Variants in SMARCA1 observed in about 807,000 individuals in gnomAD.
SMARCA1 encodes the protein SWI/SNF-related matrix-associated actin-dependent regulator of chromatin subfamily A member 1.
SMARCA1 carries 17 observed loss-of-function variants against 93.6 expected under a neutral mutation model. The observed-to-expected ratio is 0.18, with a 90% CI of 0.12 to 0.27. The LOEUF is 0.27. SMARCA1 is among the 10% of genes least tolerant of loss of function. SMARCA1 has a pLI of 1.00. For missense variants in SMARCA1, 630 were observed against 819.0 expected, an observed-to-expected ratio of 0.77 and a Z score of 2.82; for synonymous variants, 271 against 271.4, an observed-to-expected ratio of 1.00 and a Z score of 0.01.
intron 23 of SMARCA1, among the ~76,000 whole-genome samples, chrX:129,450,324 A>G (rs1255748159): frequency 2.7e-5 from 3 of 111,887 alleles, no homozygotes; most frequent in African/African-American, 9.7e-5. Flanking sequence ...AGCCAGGAGG[A>G]GAAGCCACAC....
At chrX:129,510,173 C>G (rs1233598548) in intron 6 of SMARCA1, among the ~76,000 whole-genome samples, 4 of 112,050 alleles carry the variant, frequency 3.6e-5, no homozygotes, top group African/African-American at 6.5e-5. Context: ...GAATTGCAAT[C>G]CAGTATATAC....
At chrX:129,471,915 A>C (rs1933141847) in intron 19 of SMARCA1, among the ~76,000 whole-genome samples, 1 of 112,486 alleles carries the variant, frequency 8.9e-6, no homozygotes, top group Non-Finnish European at 1.9e-5. Context: ...TGATAGGACC[A>C]GTGGTCAAGG....
At chrX:129,517,060 A>G (rs919691283) in intron 2 of SMARCA1, among the ~76,000 whole-genome samples, 9 of 111,379 alleles carry the variant, frequency 8.1e-5, no homozygotes, top group Non-Finnish European at 1.5e-4. Context: ...TAATGTAATA[A>G]ACACTCCTCT....
At chrX:129,449,307 A>G (rs1021043053) in intron 23 of SMARCA1, among the ~76,000 whole-genome samples, 4 of 112,052 alleles carry the variant, frequency 3.6e-5, no homozygotes, top group Non-Finnish European at 7.5e-5. Context: ...AGAGCCTTTC[A>G]GTTCCCTATG....
At chrX:129,520,209 T>A (rs73225565) in intron 1 of SMARCA1, among the ~76,000 whole-genome samples, 1,586 of 107,955 alleles carry the variant, frequency 0.015, 14 homozygotes, top group Non-Finnish European at 0.025. Flanking sequence ...CAAGAAAAGA[T>A]GAAAAGTGAC....
intron 11 of SMARCA1, 144 bp from the exon 12 acceptor site, chrX:129,497,015 AC>A: frequency 2.2e-6 from 1 of 449,224 alleles, no homozygotes; most frequent in East Asian, 3.7e-5. Flanking sequence ...ACACACACAC[AC>A]ACACACCCCC....
At chrX:129,479,683 T>G (rs1417954301) in intron 19 of SMARCA1, among the ~76,000 whole-genome samples, 2 of 84,355 alleles carry the variant, frequency 2.4e-5, no homozygotes, top group African/African-American at 9.2e-5. Context: ...TTATTTTATT[T>G]TATTTTATTT....
chrX:129,458,606 A>T (rs971701450), intron 23 of SMARCA1, among the ~76,000 whole-genome samples: 2 of 112,378 alleles, frequency 1.8e-5, no homozygotes, highest in Non-Finnish European at 3.8e-5. Context: ...GCTTCAATTC[A>T]AAAGGCAGAG....
At chrX:129,519,188 T>C (rs1935306053) in intron 1 of SMARCA1, among the ~76,000 whole-genome samples, 1 of 111,747 alleles carries the variant, frequency 8.9e-6, no homozygotes, top group Non-Finnish European at 1.9e-5. Context: ...TAACTTAATA[T>C]AGAGATTATC....
chrX:129,501,700 G>A (rs1053608431), intron 9 of SMARCA1, among the ~76,000 whole-genome samples: 2 of 102,028 alleles, frequency 2.0e-5, no homozygotes, highest in Non-Finnish European at 4.0e-5. Context: ...TGCAACCTCC[G>A]TCTCCCAGGT....
At chrX:129,504,563 A>AAAAAAAC (rs1934713796) in intron 9 of SMARCA1, among the ~76,000 whole-genome samples, 171 bp downstream of exon 9, 1 of 96,038 alleles carries the variant, frequency 1.0e-5, no homozygotes, top group African/African-American at 4.4e-5. Flanking sequence ...AAAAAAAAAA[A>AAAAAAAC]AAAAAAAAAA....
At chrX:129,479,682 T>G (rs963185388) in intron 19 of SMARCA1, among the ~76,000 whole-genome samples, 2 of 84,138 alleles carry the variant, frequency 2.4e-5, no homozygotes, top group Admixed American at 2.8e-4. Flanking sequence ...TTTATTTTAT[T>G]TTATTTTATT....
intron 16 of SMARCA1, among the ~76,000 whole-genome samples, chrX:129,488,610 T>TAA (rs35620990): frequency 4.8e-4 from 31 of 64,912 alleles, no homozygotes; most frequent in African/African-American, 1.3e-3. Context: ...CCTGTCTCTT[T>TAA]AAAAAAAAAA....
rs1349875393 is a variant in SMARCA1 at position 129,451,761 on chromosome X, TG to T, written c.3031-3319del. ...CTCTGTCACCCAGGCTGGAGTGCAG[TG>T]GCACGATCTCGGCTCACTGCAAGCT... On this transcript the variant is annotated intron_variant, in intron 23 of 24. Coordinates refer to ENST00000371121, the MANE Select transcript of SMARCA1 (RefSeq NM_001282874.2). 3.9e-5 allele frequency among the ~76,000 whole-genome samples: 4 copies of T among 102,883 alleles called. No individual in the cohort carries two copies. In the East Asian group the frequency reaches 1.2e-3, roughly 32 times the overall value. 89.3% of individuals were successfully genotyped at this position (102,883 alleles called of 115,157 possible).
chrX:129,480,868 C>G (rs1295954980), intron 18 of SMARCA1, 54 bp from the exon 19 acceptor site: 15 of 746,365 alleles, frequency 2.0e-5, no homozygotes, highest in Non-Finnish European at 2.7e-5. Context: ...ATGAAGTAAA[C>G]TTACTTATCT....
chrX:129,518,407 G>A lies in SMARCA1; in HGVS notation c.215C>T (p.Ala72Val), dbSNP rs777730590. The A allele has an allele frequency of 5.9e-5, 70 of 1,191,544 alleles. No homozygotes were observed. Among genetic ancestry groups the A allele is most frequent in the Non-Finnish European group, 7.6e-5 (67 of 884,324 alleles). Reference protein sequence around the residue: ...SSFQLKLAAKAPKSEKEMDPE... With the variant: ...SSFQLKLAAKVPKSEKEMDPE... ...GTCCATTTCCTTTTCAGATTTAGGC[G>A]CTTTAGCAGCAAGTTTGAGTTGAAA... Residue 72 changes from alanine (A) to valine (V), a missense_variant, in exon 2 of 25, where the codon GCG becomes GTG. This residue lies in a region of SMARCA1 where 103 missense variants were observed against 82.0 expected (regional missense o/e 1.26). Coordinates refer to ENST00000371121, the MANE Select transcript of SMARCA1 (RefSeq NM_001282874.2).
At chrX:129,470,155 T>C (rs1215745460) in intron 20 of SMARCA1, among the ~76,000 whole-genome samples, 1 of 111,834 alleles carries the variant, frequency 8.9e-6, no homozygotes, top group Non-Finnish European at 1.9e-5. Flanking sequence ...TCGCACATTG[T>C]TCAAAATTTG....
chrX:129,494,934 A>G (rs1017075689), intron 12 of SMARCA1, among the ~76,000 whole-genome samples: 8 of 112,583 alleles, frequency 7.1e-5, no homozygotes, highest in African/African-American at 2.6e-4. Flanking sequence ...GTCCTCAAGT[A>G]ACATCATTTC....
intron 1 of SMARCA1, 69 bp downstream of exon 1, chrX:129,523,128 G>A: frequency 8.9e-7 from 1 of 1,129,787 alleles, no homozygotes; most frequent in South Asian, 1.9e-5. Flanking sequence ...CGAAAGGTCA[G>A]GGTTTGGGCC....
Sources: allele counts gnomAD v4.1 joint callset (sites outside exome capture counted in the v4.1 genomes callset), GRCh38; gene constraint gnomAD v4.1.1; regional missense constraint gnomAD v4.1.1; transcripts MANE v1.5; gene names NCBI Gene and HGNC (gene_info 2026-07-23, HGNC 2026-07-21).